PCDH11Y: variants seen among roughly 807,000 people sequenced by gnomAD.
PCDH11Y encodes the protein protocadherin 11 Y-linked.
For synonymous variants in PCDH11Y, 9 were observed against 83.6 expected (o/e 0.11, Z 4.87); for missense variants, 12 against 224.8 (o/e 0.05, Z 6.05).
At chrY:5,337,429 C>G in intron 2 of PCDH11Y, among the ~76,000 whole-genome samples, 1 of 32,807 alleles carries the variant, frequency 3.0e-5, no homozygotes, top group Non-Finnish European at 7.5e-5. Context: ...ATATTTAAAA[C>G]ACTTAGTTTA....
chrY:5,408,083 T>G (rs1393018394), intron 2 of PCDH11Y, among the ~76,000 whole-genome samples: 22 of 32,855 alleles, frequency 6.7e-4, no homozygotes, highest in Non-Finnish European at 1.3e-3. Flanking sequence ...AACTAGTACT[T>G]CTCAAAACTA....
intron 1 of PCDH11Y, among the ~76,000 whole-genome samples, chrY:5,097,381 T>C: frequency 3.1e-5 from 1 of 32,603 alleles, no homozygotes; most frequent in East Asian, 7.9e-4. Flanking sequence ...GTGCTTACTT[T>C]GGTACTGAAA....
chrY:5,386,178 G>C, intron 2 of PCDH11Y, among the ~76,000 whole-genome samples: 2 of 33,488 alleles, frequency 6.0e-5, no homozygotes, highest in East Asian at 7.8e-4. Context: ...GTTAAAGATA[G>C]GGCCCCAGTC....
intron 4 of PCDH11Y, among the ~76,000 whole-genome samples, chrY:5,599,608 G>T: frequency 3.0e-5 from 1 of 33,217 alleles, no homozygotes; most frequent in South Asian, 6.5e-4. Flanking sequence ...TAAATGCAAA[G>T]ATGTGAAAAA....
Position 5,243,694 on chromosome Y carries a change from C to A in PCDH11Y, c.3129+142987C>A, listed in dbSNP as rs2052991405. Among the ~76,000 whole-genome samples the A allele has an allele frequency of 1.0e-4, 3 of 29,486 alleles. No individual in the cohort carries two copies. The South Asian group carries it at 2.2e-3, about 21-fold the overall frequency. The allele number at this position is 29,486 out of a possible 37,273, so 79.1% of individuals were successfully genotyped here. ...GAAGCTGGGCTGAAGAGGAAGGAAG[C>A]TGGAAACACTGCATAGGGCTACTTC... On this transcript the variant is annotated intron_variant, in intron 2 of 4. Transcript: ENST00000400457.
intron 4 of PCDH11Y, among the ~76,000 whole-genome samples, chrY:5,727,903 T>C: frequency 3.1e-5 from 1 of 32,632 alleles, no homozygotes; most frequent in African/African-American, 1.2e-4. Flanking sequence ...TCCCAAAATT[T>C]ATTTGTGCTG....
chrY:5,383,157 T>C (rs2053206889), intron 2 of PCDH11Y, among the ~76,000 whole-genome samples: 31 of 33,056 alleles, frequency 9.4e-4, no homozygotes, highest in African/African-American at 3.4e-3. Context: ...TAAGCTGAGA[T>C]TGTGCCACTG....
chrY:5,093,314 A>G (rs2124634160), intron 1 of PCDH11Y, among the ~76,000 whole-genome samples: 1 of 33,187 alleles, frequency 3.0e-5, no homozygotes, highest in East Asian at 7.9e-4. Flanking sequence ...AATGAAGGTT[A>G]TTAGGATGAG....
intron 4 of PCDH11Y, among the ~76,000 whole-genome samples, chrY:5,692,646 A>G: frequency 3.0e-5 from 1 of 33,133 alleles, no homozygotes; most frequent in African/African-American, 1.2e-4. Flanking sequence ...ACACTCATTT[A>G]AAGTATCATG....
intron 3 of PCDH11Y, among the ~76,000 whole-genome samples, chrY:5,558,589 T>A (rs2053425863): frequency 3.4e-5 from 1 of 29,276 alleles, no homozygotes; most frequent in African/African-American, 1.3e-4. Flanking sequence ...TTTAAAATAC[T>A]ACAACTTGCT....
chrY:5,001,723 G>T (rs1049412650), intron 1 of PCDH11Y, among the ~76,000 whole-genome samples: 3,050 of 34,487 alleles, frequency 0.088, no homozygotes, highest in East Asian at 0.062. Flanking sequence ...GCTGGGACTC[G>T]CATCTGAGCG....
At chrY:5,720,917 T>C in intron 4 of PCDH11Y, among the ~76,000 whole-genome samples, 1 of 32,787 alleles carries the variant, frequency 3.0e-5, no homozygotes, top group Admixed American at 2.8e-4. Context: ...AGTCTAGGGT[T>C]AAGGTATCTT....
intron 2 of PCDH11Y, among the ~76,000 whole-genome samples, chrY:5,177,168 A>T (rs2052894587): frequency 3.3e-4 from 11 of 33,799 alleles, no homozygotes; most frequent in Admixed American, 5.4e-4. Flanking sequence ...CTAGAATATA[A>T]TAGCTGTTTT....
chrY:5,397,492 A>G (rs2124676663), intron 2 of PCDH11Y, among the ~76,000 whole-genome samples: 1 of 32,139 alleles, frequency 3.1e-5, no homozygotes, highest in East Asian at 8.3e-4. Context: ...GTGTAAAAGC[A>G]TATATCCTCT....
intron 2 of PCDH11Y, among the ~76,000 whole-genome samples, chrY:5,219,344 G>C: frequency 3.1e-5 from 1 of 32,177 alleles, no homozygotes. Context: ...AGTTTACAAG[G>C]GTTCCCTATT....
chrY:5,089,902 A>G, intron 1 of PCDH11Y, among the ~76,000 whole-genome samples: 1 of 33,247 alleles, frequency 3.0e-5, no homozygotes. Flanking sequence ...TCTTTTATCA[A>G]TTTAGAAGGT....
At chrY:5,477,405 G>C in intron 2 of PCDH11Y, among the ~76,000 whole-genome samples, 1 of 30,873 alleles carries the variant, frequency 3.2e-5, no homozygotes, top group African/African-American at 1.3e-4. Context: ...TGCTGGATTT[G>C]GTTTTCCAGT....
At chrY:5,268,399 T>C (rs2124659164) in intron 2 of PCDH11Y, among the ~76,000 whole-genome samples, 1 of 33,133 alleles carries the variant, frequency 3.0e-5, no homozygotes, top group East Asian at 7.8e-4. Flanking sequence ...TTTCTTGAAG[T>C]TTAAAATAGC....
intron 3 of PCDH11Y, among the ~76,000 whole-genome samples, chrY:5,537,331 T>G: frequency 3.5e-5 from 1 of 28,730 alleles, no homozygotes; most frequent in African/African-American, 1.4e-4. Flanking sequence ...TGTTATATAG[T>G]ATAGCCTCTG....
Sources: allele counts gnomAD v4.1 joint callset (sites outside exome capture counted in the v4.1 genomes callset), GRCh38; gene constraint gnomAD v4.1.1; transcripts MANE v1.5; gene names NCBI Gene and HGNC (gene_info 2026-07-23, HGNC 2026-07-21).